The following GABRB3 variants were observed in gnomAD, a reference collection of about 807,000 sequenced individuals.
The protein encoded by GABRB3 is gamma-aminobutyric acid receptor subunit beta-3.
A neutral mutation model predicts 52.1 loss-of-function variants in GABRB3; 14 were observed. The observed-to-expected ratio is 0.27, with a 90% CI of 0.18 to 0.42. GABRB3 has a LOEUF of 0.42. Ranked by LOEUF, GABRB3 falls within the 10% of genes least tolerant of loss-of-function variation. The pLI is 1.00. For missense variants in GABRB3, 307 were observed against 609.1 expected, an observed-to-expected ratio of 0.50 and a Z score of 5.22; for synonymous variants, 260 against 232.3, an observed-to-expected ratio of 1.12 and a Z score of -1.08.
At chr15:26,628,428 C>A (rs1170902822) in intron 3 of GABRB3, among the ~76,000 whole-genome samples, 3 of 152,160 alleles carry the variant, frequency 2.0e-5, no homozygotes, top group African/African-American at 7.2e-5. Context: ...TCCAAGAATT[C>A]AAAAGCAATC....
At position 26,703,796 on chromosome 15, in the gene GABRB3, C is replaced by G. The variant is rs1023203597; in HGVS notation, c.240+68606G>C. Among the ~76,000 whole-genome samples the G allele has an allele frequency of 5.4e-4, 83 of 152,322 alleles. 1 individual carries two copies. The highest frequency in any genetic ancestry group is 1.8e-3 in the African/African-American group (75 of 41,580). ...AGCATTACATCTTAAGACTGAAGAA[C>G]AATCTTTGACTCAATGTACTACCTC... On this transcript the variant is annotated intron_variant, in intron 3 of 8. Transcript: ENST00000311550.
chr15:26,701,316 T>C (rs1046409651), intron 3 of GABRB3, among the ~76,000 whole-genome samples: 31 of 152,204 alleles, frequency 2.0e-4, no homozygotes, highest in African/African-American at 7.0e-4. Context: ...GGGGCAACAC[T>C]GTCTTTATTC....
intron 3 of GABRB3, among the ~76,000 whole-genome samples, chr15:26,643,269 C>T (rs1322145486): frequency 6.6e-6 from 1 of 152,188 alleles, no homozygotes; most frequent in African/African-American, 2.4e-5. Flanking sequence ...CGGCCAGGTG[C>T]CTGACTGCAG....
At chr15:26,673,379 C>T (rs537371408) in intron 3 of GABRB3, among the ~76,000 whole-genome samples, 5 of 152,300 alleles carry the variant, frequency 3.3e-5, no homozygotes, top group Admixed American at 3.3e-4. Context: ...TCATGTTCTT[C>T]ACATTCTCTC....
chr15:26,715,576 A>G (rs1889441641), intron 3 of GABRB3, among the ~76,000 whole-genome samples: 1 of 152,228 alleles, frequency 6.6e-6, no homozygotes, highest in Admixed American at 6.5e-5. Flanking sequence ...ATGTTGAAGA[A>G]ATTATGAAAT....
intron 3 of GABRB3, among the ~76,000 whole-genome samples, chr15:26,684,393 C>A (rs1382634209): frequency 6.6e-6 from 1 of 152,062 alleles, no homozygotes; most frequent in Admixed American, 6.6e-5. Flanking sequence ...ATGGGGAGTA[C>A]GAGAGAAATG....
chr15:26,635,007 TATA>T (rs1399020142), intron 3 of GABRB3, among the ~76,000 whole-genome samples: 528 of 6,110 alleles, frequency 0.086, 43 homozygotes, highest in East Asian at 0.46. Context: ...TATATATATA[TATA>T]ATATATATAT....
intron 3 of GABRB3, among the ~76,000 whole-genome samples, chr15:26,713,082 C>A (rs575927841): frequency 6.6e-6 from 1 of 152,146 alleles, no homozygotes. Flanking sequence ...AGTGGGAGAA[C>A]CAGGCTCTGC....
intron 3 of GABRB3, among the ~76,000 whole-genome samples, chr15:26,622,908 G>T (rs1892540691): frequency 6.6e-6 from 1 of 152,192 alleles, no homozygotes; most frequent in Non-Finnish European, 1.5e-5. Flanking sequence ...GGAAAGGCAA[G>T]AAAGTCCAAA....
chr15:26,631,773 C>G (rs17117183), intron 3 of GABRB3, among the ~76,000 whole-genome samples: 1,913 of 152,342 alleles, frequency 0.013, 39 homozygotes, highest in African/African-American at 0.044. Flanking sequence ...ACAACCAACT[C>G]TCCTCCCACA....
chr15:26,671,443 G>A (rs1435799621), intron 3 of GABRB3, among the ~76,000 whole-genome samples: 1 of 152,196 alleles, frequency 6.6e-6, no homozygotes, highest in Non-Finnish European at 1.5e-5. Flanking sequence ...GCTAAGATTG[G>A]AGCAGGGACA....
intron 7 of GABRB3, among the ~76,000 whole-genome samples, chr15:26,563,433 C>T (rs1890057813): frequency 6.6e-6 from 1 of 152,160 alleles, no homozygotes; most frequent in South Asian, 2.1e-4. Context: ...TTTACTAAGT[C>T]CTTCTATTGC....
intron 3 of GABRB3, among the ~76,000 whole-genome samples, chr15:26,725,279 T>G (rs1044838758): frequency 6.6e-6 from 1 of 152,168 alleles, no homozygotes; most frequent in Non-Finnish European, 1.5e-5. Context: ...TAACTTCAGG[T>G]GTCTTTTCAG....
intron 3 of GABRB3, among the ~76,000 whole-genome samples, chr15:26,733,104 C>T (rs28826668): frequency 0.28 from 42,266 of 152,082 alleles, 6,102 homozygotes; most frequent in African/African-American, 0.3. Flanking sequence ...GCAAGAAGGC[C>T]TGCTGTTTCC....
intron 4 of GABRB3, among the ~76,000 whole-genome samples, chr15:26,586,360 TCTTA>T (rs1212476860): frequency 6.7e-6 from 1 of 148,868 alleles, no homozygotes; most frequent in East Asian, 2.0e-4. Flanking sequence ...AATTACTGTT[TCTTA>T]CTGTTTTCTT....
chr15:26,583,587 G>A (rs1890866202), intron 4 of GABRB3, among the ~76,000 whole-genome samples, 173 bp from the exon 5 acceptor site: 1 of 151,070 alleles, frequency 6.6e-6, no homozygotes, highest in Non-Finnish European at 1.5e-5. Context: ...ACTCTTTTCA[G>A]CATAATATAG....
chr15:26,706,512 T>C lies in GABRB3; in HGVS notation c.240+65890A>G, dbSNP rs550207714. 2.0e-5 allele frequency among the ~76,000 whole-genome samples: 3 copies of C among 152,276 alleles called. No homozygotes were observed. The East Asian group carries it at 5.8e-4, about 29-fold the overall frequency. ...ATATATTCATTGCTTCATCAAACAT[T>C]TATTTAGCACCTAATGTACACAAAG... On this transcript the variant is annotated intron_variant, in intron 3 of 8. Transcript: ENST00000311550.
Position 26,583,461 on chromosome 15 carries a change from T to C in GABRB3, c.462-47A>G, listed in dbSNP as rs763561948. The C allele has an allele frequency of 8.7e-6, 13 of 1,489,538 alleles. No individual in the cohort carries two copies. In the South Asian group the frequency reaches 1.4e-4, roughly 16 times the overall value. The allele number at this position is 1,489,538 out of a possible 1,614,324, so 92.3% of individuals were successfully genotyped here. On this transcript the variant is annotated intron_variant, in intron 4 of 8. Transcript: ENST00000311550. ...AAGATATTAAAGAAGGGCTGAGAAA[T>C]GTATCAGGGAGACTCCTCTTAGATA...
intron 3 of GABRB3, among the ~76,000 whole-genome samples, chr15:26,744,680 C>A (rs944038350): frequency 6.6e-5 from 10 of 152,188 alleles, no homozygotes; most frequent in African/African-American, 2.4e-4. Context: ...CCCACCTCGG[C>A]CTCCCAAAGT....
Sources: allele counts gnomAD v4.1 joint callset (sites outside exome capture counted in the v4.1 genomes callset), GRCh38; gene constraint gnomAD v4.1.1; transcripts MANE v1.5; gene names NCBI Gene and HGNC (gene_info 2026-07-23, HGNC 2026-07-21).